The following SPINK5 variants were observed in gnomAD, a reference collection of about 807,000 sequenced individuals.
SPINK5 encodes serine protease inhibitor Kazal-type 5.
Under a neutral mutation model 151.8 loss-of-function variants are expected in SPINK5, and 125 were observed. That is an observed-to-expected ratio of 0.82 (90% CI 0.71 to 0.96). SPINK5 has a LOEUF of 0.96. Among genes scored for constraint, SPINK5 ranks in the 40% least tolerant of loss-of-function variants. SPINK5 has a pLI of 0.00. For synonymous variants in SPINK5, 374 were observed against 395.3 expected (o/e 0.95, Z 0.64); for missense variants, 1,194 against 1,291.9 (o/e 0.92, Z 1.16).
At chr5:148,112,378 C>T (rs886859918) in intron 19 of SPINK5, among the ~76,000 whole-genome samples, 8 of 152,214 alleles carry the variant, frequency 5.3e-5, no homozygotes, top group Admixed American at 5.2e-4. Context: ...TTTAAACAAC[C>T]TTAAGAACAA....
At chr5:148,081,695 C>G (rs537712253) in intron 4 of SPINK5, among the ~76,000 whole-genome samples, 2 of 151,682 alleles carry the variant, frequency 1.3e-5, no homozygotes, top group African/African-American at 4.8e-5. Context: ...CTGGCGATGG[C>G]TGTACAACTC....
At position 148,071,853 on chromosome 5, in the gene SPINK5, A is replaced by G. The variant is rs1156807; in HGVS notation, c.210-295A>G. On this transcript the variant is annotated intron_variant, in intron 3 of 32. Coordinates refer to ENST00000256084, the MANE Select transcript of SPINK5 (RefSeq NM_006846.4). ...TTCTCTTTCAAAAACTGCATTCAAA[A>G]AATGGTGCAGATAGCTTTGAGAGTT... Among the ~76,000 whole-genome samples, 151,110 of 152,182 alleles carry G rather than the reference A, an allele frequency of 0.99. 75,026 individuals are homozygous for G. The highest frequency in any genetic ancestry group is 1 in the East Asian group (5,130 of 5,130).
chr5:148,114,432 TGCGTGGCCCAGATG>T lies in SPINK5; in HGVS notation c.1961_1974del (p.Arg654GlnfsTer11). On this transcript the variant is annotated frameshift_variant, in exon 21 of 33. Coordinates refer to ENST00000256084, the MANE Select transcript of SPINK5 (RefSeq NM_006846.4). LOFTEE classifies it high-confidence loss of function. ...TTCTGCACAAGAGAAAATGATCCTG[TGCGTGGCCCAGATG>T]GCAAGACCCATGGCAACAAGTGTGC... The T allele has an allele frequency of 6.2e-7, 1 of 1,613,790 alleles. No homozygotes were observed. Among genetic ancestry groups the T allele is most frequent in the Non-Finnish European group, 8.5e-7 (1 of 1,179,774 alleles).
At chr5:148,090,498 T>C (rs1753280474) in intron 7 of SPINK5, among the ~76,000 whole-genome samples, 1 of 151,704 alleles carries the variant, frequency 6.6e-6, no homozygotes, top group Admixed American at 6.6e-5. Context: ...GGTTTTTTTT[T>C]CTTTTTATGC....
At chr5:148,108,893 G>T (rs1753849259) in intron 18 of SPINK5, 56 bp downstream of exon 18, 1 of 1,603,802 alleles carries the variant, frequency 6.2e-7, no homozygotes, top group Non-Finnish European at 8.5e-7. Context: ...CTCTCCCTAG[G>T]GAGGGCTCCT....
intron 16 of SPINK5, among the ~76,000 whole-genome samples, chr5:148,105,783 A>AT (rs5872059): frequency 0.016 from 2,037 of 130,556 alleles, 49 homozygotes; most frequent in East Asian, 0.057. Flanking sequence ...TGCCCAGCTA[A>AT]TTTTTTTTTT....
rs778957173 is a variant in SPINK5, at chr5:148,134,037, A to T, written c.3186+150A>T. ...CCAGAATTGGTCACATTTTCACTATAAGGATAATTAAGTAATTACTGAAAT... is the reference window on the plus strand; with the variant it reads ...CCAGAATTGGTCACATTTTCACTATTAGGATAATTAAGTAATTACTGAAAT... On this transcript the variant is annotated intron_variant, in intron 32 of 32. Coordinates refer to ENST00000256084, the MANE Select transcript of SPINK5 (RefSeq NM_006846.4). 9 of 734,148 alleles carry T rather than the reference A, an allele frequency of 1.2e-5. No individual in the cohort carries two copies. The Admixed American group carries it at 1.8e-4, about 15-fold the overall frequency. 45.5% of individuals were successfully genotyped at this position (734,148 alleles called of 1,614,324 possible). A position where few individuals can be genotyped will look rare whatever the true frequency, so the allele number is the denominator to read the frequency against.
At chr5:148,066,967 T>C (rs1039851456) in intron 2 of SPINK5, among the ~76,000 whole-genome samples, 2 of 152,222 alleles carry the variant, frequency 1.3e-5, no homozygotes, top group African/African-American at 4.8e-5. Flanking sequence ...ATGAAAACTA[T>C]TGATGTAGTC....
chr5:148,113,563 A>G (rs1754001716), intron 20 of SPINK5, among the ~76,000 whole-genome samples: 2 of 152,112 alleles, frequency 1.3e-5, no homozygotes, highest in Non-Finnish European at 2.9e-5. Flanking sequence ...TAGCATCCCC[A>G]AATAATATTT....
chr5:148,100,995 G>A (rs1442041187), intron 13 of SPINK5, among the ~76,000 whole-genome samples: 2 of 152,224 alleles, frequency 1.3e-5, no homozygotes, highest in South Asian at 2.1e-4. Flanking sequence ...GATGATATCA[G>A]TACAGACTTT....
At chr5:148,101,260 C>T (rs1442361399) in intron 13 of SPINK5, 95 bp from the exon 14 acceptor site, 6 of 891,980 alleles carry the variant, frequency 6.7e-6, no homozygotes, top group Admixed American at 4.0e-5. Context: ...AGAATTTAAT[C>T]GTTGTTAAGT....
intron 3 of SPINK5, among the ~76,000 whole-genome samples, chr5:148,071,408 A>G (rs892682884): frequency 2.0e-5 from 3 of 152,082 alleles, no homozygotes; most frequent in Non-Finnish European, 2.9e-5. Context: ...AAGATTTAAT[A>G]GAGGATGGGA....
intron 26 of SPINK5, among the ~76,000 whole-genome samples, chr5:148,120,961 G>A (rs925000903): frequency 1.3e-5 from 2 of 151,604 alleles, no homozygotes; most frequent in East Asian, 1.9e-4. Context: ...TGGCTAGCAC[G>A]GTGAAACCCC....
At chr5:148,128,610 G>A (rs759575983) in intron 30 of SPINK5, among the ~76,000 whole-genome samples, 15 of 152,054 alleles carry the variant, frequency 9.9e-5, no homozygotes, top group Non-Finnish European at 2.1e-4. Flanking sequence ...CTCACTGCAA[G>A]CTCCGCCTCC....
At chr5:148,135,930 A>G (rs1754684681) in intron 32 of SPINK5, among the ~76,000 whole-genome samples, 1 of 152,168 alleles carries the variant, frequency 6.6e-6, no homozygotes, top group Non-Finnish European at 1.5e-5. Context: ...AGATTTACAT[A>G]GGTCTTTAGA....
At chr5:148,123,527 A>G (rs556194681) in intron 26 of SPINK5, among the ~76,000 whole-genome samples, 25 of 25,454 alleles carry the variant, frequency 9.8e-4, no homozygotes, top group African/African-American at 2.4e-3. Flanking sequence ...ATGTGTATAT[A>G]TATATATATA....
At position 148,107,595 on chromosome 5, in the gene SPINK5, A is replaced by C. The variant is rs78521759; in HGVS notation, c.1607+431A>C. Among the ~76,000 whole-genome samples the C allele has an allele frequency of 3.9e-5, 6 of 152,342 alleles. No individual in the cohort carries two copies. The East Asian group carries it at 1.2e-3, about 29-fold the overall frequency. On this transcript the variant is annotated intron_variant, in intron 17 of 32. Coordinates refer to ENST00000256084, the MANE Select transcript of SPINK5 (RefSeq NM_006846.4). ...ACATAAAGACTATTAAAATAGCCTG[A>C]ACAATAAATGGAATAGGAAGGATTG...
chr5:148,136,306 G>C (rs1051028206), intron 32 of SPINK5, among the ~76,000 whole-genome samples: 1 of 152,046 alleles, frequency 6.6e-6, no homozygotes. Context: ...CAAGGATTCA[G>C]GAAAACCGAA....
At chr5:148,123,390 A>ATAGATAATAGATATAATATAT in intron 26 of SPINK5, among the ~76,000 whole-genome samples, 2 of 55,498 alleles carry the variant, frequency 3.6e-5, no homozygotes, top group Admixed American at 4.8e-4. Flanking sequence ...AAGATTATAT[A>ATAGATAATAGATATAATATAT]TATATATAGA....
Sources: allele counts gnomAD v4.1 joint callset (sites outside exome capture counted in the v4.1 genomes callset), GRCh38; gene constraint gnomAD v4.1.1; transcripts MANE v1.5; gene names NCBI Gene and HGNC (gene_info 2026-07-23, HGNC 2026-07-21).